The following SNCAIP variants were observed in gnomAD, a reference collection of about 807,000 sequenced individuals.
The protein encoded by SNCAIP is synuclein alpha interacting protein.
A neutral mutation model predicts 86.7 loss-of-function variants in SNCAIP; 43 were observed. The ratio of observed to expected loss-of-function variants is 0.50; its 90% CI spans 0.39 to 0.64. SNCAIP has a LOEUF of 0.64. Ranked by LOEUF, SNCAIP falls within the 30% of genes least tolerant of loss-of-function variation. The pLI, the probability that SNCAIP is intolerant of heterozygous loss-of-function variation, is 0.00. For missense variants in SNCAIP, 981 were observed against 1,103.1 expected, an observed-to-expected ratio of 0.89 and a Z score of 1.57; for synonymous variants, 417 against 427.2, an observed-to-expected ratio of 0.98 and a Z score of 0.29.
intron 8 of SNCAIP, among the ~76,000 whole-genome samples, chr5:122,449,226 T>C (rs1783190054): frequency 6.6e-6 from 1 of 152,180 alleles, no homozygotes; most frequent in African/African-American, 2.4e-5. Context: ...CAAATTGTAC[T>C]TTATGATAAA....
chr5:122,444,115 G>A (rs1192545527), intron 7 of SNCAIP: 3 of 457,448 alleles, frequency 6.6e-6, no homozygotes, highest in South Asian at 4.6e-5. Flanking sequence ...GGTTGGCGCA[G>A]CAACAAATAA....
At chr5:122,407,357 A>T (rs140043762) in intron 3 of SNCAIP, among the ~76,000 whole-genome samples, 1 of 152,318 alleles carries the variant, frequency 6.6e-6, no homozygotes, top group East Asian at 1.9e-4. Flanking sequence ...GAGGAAGAAA[A>T]AACCAGTGTA....
Position 122,430,232 on chromosome 5 carries a change from T to G in SNCAIP, c.1183-1737T>G, listed in dbSNP as rs80106792. 2.8e-3 allele frequency among the ~76,000 whole-genome samples: 430 copies of G among 152,290 alleles called. 2 individuals are homozygous for G. Among genetic ancestry groups the G allele is most frequent in the African/African-American group, 0.01 (416 of 41,560 alleles). On this transcript the variant is annotated intron_variant, in intron 5 of 10. Coordinates refer to ENST00000261368, the MANE Select transcript of SNCAIP (RefSeq NM_005460.4). ...TATTCTACTAATTTAAATGCTACCCTCAGTGAAGCCTCCCTTGGCTCCCTG... is the reference window on the plus strand; with the variant it reads ...TATTCTACTAATTTAAATGCTACCCGCAGTGAAGCCTCCCTTGGCTCCCTG...
chr5:122,363,692 A>AT (rs937868551), intron 1 of SNCAIP, among the ~76,000 whole-genome samples: 1 of 151,654 alleles, frequency 6.6e-6, no homozygotes, highest in African/African-American at 2.4e-5. Flanking sequence ...GTTAAAAAAA[A>AT]AAACCCCCTC....
chr5:122,355,408 T>A (rs1403514151), intron 1 of SNCAIP, among the ~76,000 whole-genome samples: 2 of 152,170 alleles, frequency 1.3e-5, no homozygotes, highest in African/African-American at 4.8e-5. Context: ...TATGCCAATG[T>A]TGGTACATAA....
intron 6 of SNCAIP, among the ~76,000 whole-genome samples, chr5:122,432,959 T>C (rs1409849996): frequency 1.3e-5 from 2 of 152,186 alleles, no homozygotes; most frequent in East Asian, 1.9e-4. Flanking sequence ...ACTTTCCTAG[T>C]AGAAGTAAAC....
At chr5:122,403,966 C>A (rs1193766074) in intron 3 of SNCAIP, 101 bp downstream of exon 3, 7 of 878,122 alleles carry the variant, frequency 8.0e-6, no homozygotes, top group Non-Finnish European at 1.3e-5. Flanking sequence ...TTTCAGTTTT[C>A]TTTTCTCTTT....
chr5:122,354,866 CAAAA>C (rs1760688465), intron 1 of SNCAIP, among the ~76,000 whole-genome samples: 1 of 152,122 alleles, frequency 6.6e-6, no homozygotes, highest in African/African-American at 2.4e-5. Flanking sequence ...TATTGCATTT[CAAAA>C]CCAACAATAT....
intron 3 of SNCAIP, among the ~76,000 whole-genome samples, chr5:122,422,450 G>A (rs919416337): frequency 6.6e-6 from 1 of 152,214 alleles, no homozygotes; most frequent in African/African-American, 2.4e-5. Context: ...GTGTGTGCAT[G>A]TGTGCATACG....
chr5:122,432,205 C>A, intron 6 of SNCAIP, 123 bp downstream of exon 6: 1 of 666,198 alleles, frequency 1.5e-6, no homozygotes, highest in South Asian at 1.7e-5. Context: ...AGGTATATAA[C>A]CAATGATATT....
At chr5:122,450,101 A>G (rs1783390820) in intron 9 of SNCAIP, among the ~76,000 whole-genome samples, 164 bp downstream of exon 9, 1 of 152,244 alleles carries the variant, frequency 6.6e-6, no homozygotes, top group South Asian at 2.1e-4. Context: ...CACTGGACCT[A>G]GAGTCTGAAG....
At chr5:122,313,290 A>G (rs1460046324) in intron 1 of SNCAIP, among the ~76,000 whole-genome samples, 2 of 152,206 alleles carry the variant, frequency 1.3e-5, no homozygotes, top group Non-Finnish European at 2.9e-5. Context: ...AGTGCCCATC[A>G]AAGAGCCCGG....
At chr5:122,433,534 G>A (rs1778827890) in intron 6 of SNCAIP, among the ~76,000 whole-genome samples, 1 of 152,050 alleles carries the variant, frequency 6.6e-6, no homozygotes, top group Non-Finnish European at 1.5e-5. Context: ...TGTAATATTT[G>A]GAGTGCTTCA....
At chr5:122,453,484 T>A (rs1784120306) in intron 10 of SNCAIP, among the ~76,000 whole-genome samples, 1 of 152,228 alleles carries the variant, frequency 6.6e-6, no homozygotes, top group African/African-American at 2.4e-5. Context: ...TTTCTCTGTG[T>A]TAGCATTATG....
At position 122,451,832 on chromosome 5, in the gene SNCAIP, AT is replaced by A. The variant is rs200661955; in HGVS notation, c.2754+232del. 2.2e-5 allele frequency: 11 copies of A among 499,354 alleles called. No homozygotes were observed. The East Asian group carries it at 3.2e-4, about 14-fold the overall frequency. 30.9% of individuals were successfully genotyped at this position (499,354 alleles called of 1,614,324 possible). A position where few individuals can be genotyped will look rare whatever the true frequency, so the allele number is the denominator to read the frequency against. ...CTAAGAGAGAAAGGTTAAAAAAAAA[AT>A]AAGAGATTATATTCTGGTCCATAAA... On this transcript the variant is annotated intron_variant, in intron 10 of 10. Coordinates refer to ENST00000261368, the MANE Select transcript of SNCAIP (RefSeq NM_005460.4).
chr5:122,422,585 T>C (rs1384424647), intron 3 of SNCAIP, among the ~76,000 whole-genome samples: 1 of 152,212 alleles, frequency 6.6e-6, no homozygotes, highest in African/African-American at 2.4e-5. Context: ...ATCCAGGGAA[T>C]AAACCTAAAT....
chr5:122,319,046 CT>C (rs971189318), intron 1 of SNCAIP, among the ~76,000 whole-genome samples: 2 of 149,954 alleles, frequency 1.3e-5, no homozygotes, highest in African/African-American at 4.9e-5. Flanking sequence ...CACTAAGCTC[CT>C]TCCTCCTGGC....
chr5:122,314,249 T>C lies in SNCAIP; in HGVS notation c.-47+1965T>C, dbSNP rs1244136379. ...CTTAAGGGAAACCCACACAAACATC[T>C]AATACAAACAAATGATCTTTGATAT... On this transcript the variant is annotated intron_variant, in intron 1 of 10. Transcript: ENST00000261368. 2.0e-5 allele frequency among the ~76,000 whole-genome samples: 3 copies of C among 152,204 alleles called. No homozygotes were observed. In the East Asian group the frequency reaches 5.8e-4, roughly 29 times the overall value.
At chr5:122,338,351 A>G (rs1358871428) in intron 1 of SNCAIP, among the ~76,000 whole-genome samples, 1 of 152,214 alleles carries the variant, frequency 6.6e-6, no homozygotes, top group Non-Finnish European at 1.5e-5. Context: ...AACACTTTAC[A>G]CTTGCATGTG....
Sources: gnomAD v4.1 joint callset for allele counts (sites outside exome capture counted in the v4.1 genomes callset) on GRCh38, gnomAD v4.1.1 for gene constraint, MANE v1.5 for transcripts, NCBI Gene and HGNC (gene_info 2026-07-23, HGNC 2026-07-21) for gene names.